ATP5IF1: variants seen among roughly 807,000 people sequenced by gnomAD.
The protein encoded by ATP5IF1 is ATPase inhibitor, mitochondrial.
A neutral mutation model predicts 8.5 loss-of-function variants in ATP5IF1; 12 were observed. The observed-to-expected ratio is 1.41, with a 90% confidence interval of 0.90 to 2.28. The LOEUF (loss-of-function observed/expected upper bound fraction) is 2.28, where lower values mean the gene tolerates loss of function less well. Ranked by LOEUF, ATP5IF1 falls within the 30% of genes most tolerant of loss-of-function variation. ATP5IF1 has a pLI of 0.00. For missense variants in ATP5IF1, 154 were observed against 140.2 expected (o/e 1.10, Z -0.50); for synonymous variants, 51 against 53.4 (o/e 0.96, Z 0.19).
In ATP5IF1 at chr1:28,237,930, A is replaced by G; in HGVS notation, c.273A>G (p.Glu91=). 6.2e-7 allele frequency: 1 copy of G among 1,613,856 alleles called. No homozygotes were observed. The highest frequency in any genetic ancestry group is 8.5e-7 in the Non-Finnish European group (1 of 1,180,034). ...HKKEIERLQK[E]IERHKQKIKM... ...AGGAGATTGAGCGTCTGCAGAAAGA[A>G]ATTGAGCGCCATAAGCAGAAGATCA... The change falls in exon 3 of 3, where the codon GAA becomes GAG. Residue 91 remains glutamate (E), a synonymous_variant. Transcript: ENST00000335514.
In ATP5IF1 at chr1:28,236,146, G is replaced by A. The variant is rs770197777; in HGVS notation, c.-38G>A. Reference sequence around the variant, plus strand: ...ATTAGCGCGTAACGAGAGACTGCTTGCTGCGGCAGAGACGCCAGAGGTGCA... The same window carrying A: ...ATTAGCGCGTAACGAGAGACTGCTTACTGCGGCAGAGACGCCAGAGGTGCA... On this transcript the variant is annotated 5_prime_UTR_variant, in exon 1 of 3. Transcript: ENST00000335514. 2 of 1,607,380 alleles carry A rather than the reference G, an allele frequency of 1.2e-6. No homozygotes were observed. Among genetic ancestry groups the A allele is most frequent in the Non-Finnish European group, 1.7e-6 (2 of 1,179,534 alleles).
chr1:28,236,350 T>A lies in ATP5IF1; in HGVS notation c.88-11T>A, dbSNP rs1336307135. On this transcript the variant is annotated splice_polypyrimidine_tract_variant and intron_variant, in intron 1 of 2. Transcript: ENST00000335514. The stretch of plus-strand genomic sequence containing the variant: ...TTCCGTACCTTTACCAGTGTCCCTG[T>A]CTCTCTGCAGTCCGAGAATGTCGAC... The A allele has an allele frequency of 6.2e-7, 1 of 1,614,044 alleles. No individual in the cohort carries two copies. Among genetic ancestry groups the A allele is most frequent in the African/African-American group, 1.3e-5 (1 of 74,924 alleles).
chr1:28,236,133 CGA>C lies in ATP5IF1; in HGVS notation c.-46_-45del, dbSNP rs775466354. 1 of 1,601,070 alleles carries C rather than the reference CGA, an allele frequency of 6.2e-7. No homozygotes were observed. Among genetic ancestry groups the C allele is most frequent in the Non-Finnish European group, 8.5e-7 (1 of 1,176,860 alleles). Reference sequence around the variant, plus strand: ...GGCCGTCCCTGCCATTAGCGCGTAACGAGAGACTGCTTGCTGCGGCAGAGACG... The same window carrying C: ...GGCCGTCCCTGCCATTAGCGCGTAACGAGACTGCTTGCTGCGGCAGAGACG... On this transcript the variant is annotated 5_prime_UTR_variant, in exon 1 of 3. Transcript: ENST00000335514.
Position 28,236,403 on chromosome 1 carries a change from G to C in ATP5IF1, c.130G>C (p.Gly44Arg), listed in dbSNP as rs775192415. 15 of 1,614,236 alleles carry C rather than the reference G, an allele frequency of 9.3e-6. No individual in the cohort carries two copies. The highest frequency in any genetic ancestry group is 1.3e-5 in the Non-Finnish European group (15 of 1,180,038). The change falls in exon 2 of 3, where the codon GGT becomes CGT. Residue 44 changes from glycine (G) to arginine (R), a missense_variant. Transcript: ENST00000335514. ...GGGCGCGGGCTCCATCCGGGAAGCC[G>C]GTGGGGCCTTCGGAAAGAGAGAGCA... The part of the protein sequence containing the change: ...DRGAGSIREA[G>R]GAFGKREQAE...
At chr1:28,236,615 G>A in intron 2 of ATP5IF1, 163 bp downstream of exon 2, 1 of 1,528,616 alleles carries the variant, frequency 6.5e-7, no homozygotes, top group Non-Finnish European at 8.8e-7. Context: ...TTGATGTCCC[G>A]ACCGTTGCCA....
intron 2 of ATP5IF1, 147 bp downstream of exon 2, chr1:28,236,599 T>TA (rs1361103159): frequency 8.5e-6 from 13 of 1,536,770 alleles, no homozygotes; most frequent in Non-Finnish European, 1.1e-5. Context: ...CAGTATACCC[T>TA]AACCCTTGAT....
chr1:28,237,422 T>C lies in ATP5IF1; in HGVS notation c.180-415T>C, dbSNP rs1043970676. On this transcript the variant is annotated intron_variant, in intron 2 of 2. Coordinates refer to ENST00000335514, the MANE Select transcript of ATP5IF1 (RefSeq NM_016311.5). ...TATTGGCCTTACAGTGGGCCATTCA[T>C]TTCTATAGGCAAAGAAAGCTCTAGA... 4.5e-6 allele frequency: 5 copies of C among 1,122,044 alleles called. No individual in the cohort carries two copies. The African/African-American group carries it at 8.2e-5, about 18-fold the overall frequency. The allele number at this position is 1,122,044 out of a possible 1,614,324, so 69.5% of individuals were successfully genotyped here.
Position 28,238,068 on chromosome 1 carries a change from A to T in ATP5IF1, c.*90A>T. ...TTTAACTAATATTTGTCTGTGTGCT[A>T]CTAACAGATTATAATAAATTGTCAT... is the stretch of plus-strand genomic sequence containing the variant. On this transcript the variant is annotated 3_prime_UTR_variant, in exon 3 of 3. Transcript: ENST00000335514. 7.8e-7 allele frequency: 1 copy of T among 1,287,062 alleles called. No individual in the cohort carries two copies. Among genetic ancestry groups the T allele is most frequent in the Non-Finnish European group, 1.1e-6 (1 of 936,304 alleles). The allele number at this position is 1,287,062 out of a possible 1,614,324, so 79.7% of individuals were successfully genotyped here. A position where few individuals can be genotyped will look rare whatever the true frequency, so the allele number is the denominator to read the frequency against.
chr1:28,236,225 GT>G lies in ATP5IF1; in HGVS notation c.43del (p.Trp15GlyfsTer3). On this transcript the variant is annotated frameshift_variant, in exon 1 of 3. Transcript: ENST00000335514. LOFTEE classifies it high-confidence loss of function. The part of the protein sequence containing the change: ...ALAARTWLGV[W>X]GVRTMQARGF... Reference sequence around the variant, plus strand: ...TGGCGGCGCGGACGTGGCTTGGCGTGTGGGGCGTGAGGACCATGCAAGCCCG... The same window carrying G: ...TGGCGGCGCGGACGTGGCTTGGCGTGGGGGCGTGAGGACCATGCAAGCCCG... 1 of 1,613,892 alleles carries G rather than the reference GT, an allele frequency of 6.2e-7. No individual in the cohort carries two copies. The highest frequency in any genetic ancestry group is 8.5e-7 in the Non-Finnish European group (1 of 1,179,998).
Position 28,236,247 on chromosome 1 carries a change from G to A in ATP5IF1, c.64G>A (p.Ala22Thr). ...CGTGTGGGGCGTGAGGACCATGCAA[G>A]CCCGAGGCTTCGGCTCGGATCAGGT... ...LGVWGVRTMQ[A>T]RGFGSDQSEN... is the part of the protein sequence containing the mutation. Residue 22 changes from alanine (A) to threonine (T), a missense_variant, in exon 1 of 3, where the codon GCC (alanine) becomes ACC (threonine). Physicochemically the swap from Ala to Thr is moderately conservative, Grantham distance 58. Coordinates refer to ENST00000335514, the MANE Select transcript of ATP5IF1 (RefSeq NM_016311.5). The A allele has an allele frequency of 6.2e-7, 1 of 1,614,058 alleles. No individual in the cohort carries two copies. Among genetic ancestry groups the A allele is most frequent in the Non-Finnish European group, 8.5e-7 (1 of 1,180,012 alleles).
chr1:28,236,688 G>T, intron 2 of ATP5IF1: 1 of 1,431,394 alleles, frequency 7.0e-7, no homozygotes, highest in Non-Finnish European at 9.2e-7. Flanking sequence ...TTCCACCGGC[G>T]GGTCTCCAAA....
chr1:28,236,446 A>G lies in ATP5IF1; in HGVS notation c.173A>G (p.Tyr58Cys), dbSNP rs1353068663. The G allele has an allele frequency of 2.5e-6, 4 of 1,613,974 alleles. No individual in the cohort carries two copies. The highest frequency in any genetic ancestry group is 3.4e-6 in the Non-Finnish European group (4 of 1,180,028). Residue 58 changes from tyrosine (Y) to cysteine (C), a missense_variant, in exon 2 of 3, where the codon TAT becomes TGT. Tyr to Cys is a radical substitution (Grantham distance 194). Transcript: ENST00000335514. ...AGAGAGCAGGCTGAAGAGGAACGATATTTCCGGTGAGGCTCACCGGGTCCC... is the reference window on the plus strand; with the variant it reads ...AGAGAGCAGGCTGAAGAGGAACGATGTTTCCGGTGAGGCTCACCGGGTCCC... ...GKREQAEEER[Y>C]FRAQSREQLA...
chr1:28,236,145 T>G lies in ATP5IF1; in HGVS notation c.-39T>G. The G allele has an allele frequency of 6.2e-7, 1 of 1,607,176 alleles. No homozygotes were observed. The highest frequency in any genetic ancestry group is 8.5e-7 in the Non-Finnish European group (1 of 1,179,488). On this transcript the variant is annotated 5_prime_UTR_variant, in exon 1 of 3. Transcript: ENST00000335514. Reference sequence around the variant, plus strand: ...CATTAGCGCGTAACGAGAGACTGCTTGCTGCGGCAGAGACGCCAGAGGTGC... The same window carrying G: ...CATTAGCGCGTAACGAGAGACTGCTGGCTGCGGCAGAGACGCCAGAGGTGC...
Position 28,236,171 on chromosome 1 carries a change from A to G in ATP5IF1, c.-13A>G. The G allele has an allele frequency of 6.2e-7, 1 of 1,612,096 alleles. No homozygotes were observed. Among genetic ancestry groups the G allele is most frequent in the Non-Finnish European group, 8.5e-7 (1 of 1,179,884 alleles). On this transcript the variant is annotated 5_prime_UTR_variant, in exon 1 of 3. Transcript: ENST00000335514. Reference sequence around the variant, plus strand: ...GCTGCGGCAGAGACGCCAGAGGTGCAGCTCCAGCAGCAATGGCAGTGACGG... The same window carrying G: ...GCTGCGGCAGAGACGCCAGAGGTGCGGCTCCAGCAGCAATGGCAGTGACGG...
At chr1:28,237,233 GTA>G (rs1647045149) in intron 2 of ATP5IF1, 1 of 994,164 alleles carries the variant, frequency 1.0e-6, no homozygotes. Flanking sequence ...CTGCCATACC[GTA>G]TAGAGAGCCA....
chr1:28,236,768 A>T, intron 2 of ATP5IF1: 2 of 1,282,592 alleles, frequency 1.6e-6, no homozygotes, highest in Non-Finnish European at 2.0e-6. Context: ...GGTCGTGCGA[A>T]ACACCCCCAG....
At chr1:28,236,982 G>C in intron 2 of ATP5IF1, 1 of 1,041,244 alleles carries the variant, frequency 9.6e-7, no homozygotes, top group Non-Finnish European at 1.2e-6. Context: ...GCTGGTCATG[G>C]GAGCTACTTA....
intron 2 of ATP5IF1, 91 bp from the exon 3 acceptor site, chr1:28,237,746 C>T (rs1203183414): frequency 6.2e-7 from 1 of 1,613,872 alleles, no homozygotes; most frequent in East Asian, 2.2e-5. Flanking sequence ...ATTGGAACTC[C>T]TATTCCTTGC....
intron 1 of ATP5IF1, 30 bp from the exon 2 acceptor site, chr1:28,236,331 A>T (rs202043771): frequency 6.2e-7 from 1 of 1,614,060 alleles, no homozygotes; most frequent in East Asian, 2.2e-5. Flanking sequence ...TTGCTTCCGT[A>T]CCTTTACCAG....
Sources: gnomAD v4.1 joint callset for allele counts on GRCh38, gnomAD v4.1.1 for gene constraint, MANE v1.5 for transcripts, NCBI Gene and HGNC (gene_info 2026-07-23, HGNC 2026-07-21) for gene names.